HNRNPR: variants seen among roughly 807,000 people sequenced by gnomAD.
HNRNPR encodes heterogeneous nuclear ribonucleoprotein R.
Under a neutral mutation model 70.3 loss-of-function variants are expected in HNRNPR, and 4 were observed. The ratio of observed to expected loss-of-function variants is 0.06; its 90% confidence interval spans 0.03 to 0.13. The LOEUF (loss-of-function observed/expected upper bound fraction) is 0.13, where lower values mean the gene tolerates loss of function less well. Ranked by LOEUF, HNRNPR falls within the 10% of genes least tolerant of loss-of-function variation. The pLI is 1.00. For missense variants in HNRNPR, 423 were observed against 788.5 expected (o/e 0.54, Z 5.55); for synonymous variants, 241 against 267.6 (o/e 0.90, Z 0.97).
chr1:23,336,256 A>T (rs1646479080), intron 4 of HNRNPR, among the ~76,000 whole-genome samples: 1 of 149,706 alleles, frequency 6.7e-6, no homozygotes, highest in African/African-American at 2.5e-5. Context: ...TGAAACCCCG[A>T]CTCTACCAAA....
In HNRNPR at chr1:23,343,071, T is replaced by C. The variant is rs543255275; in HGVS notation, c.-10+1140A>G. Among the ~76,000 whole-genome samples, 13 of 152,260 alleles carry C rather than the reference T, an allele frequency of 8.5e-5. No homozygotes were observed. In the South Asian group the frequency reaches 2.1e-3, roughly 24 times the overall value. On this transcript the variant is annotated intron_variant, in intron 1 of 10. Coordinates refer to ENST00000302271, the MANE Select transcript of HNRNPR (RefSeq NM_005826.5). ...CATTTTGAAAAGACTTTTTATGTCA[T>C]ATGAGACCATTTGAAACTCATTCAA...
intron 1 of HNRNPR, among the ~76,000 whole-genome samples, 194 bp downstream of exon 1, chr1:23,344,017 G>T (rs1327730391): frequency 6.6e-6 from 1 of 152,122 alleles, no homozygotes; most frequent in African/African-American, 2.4e-5. Context: ...GAAGAGCGAG[G>T]GCGAGAAGCG....
At chr1:23,334,234 C>CTTTTTTTTT (rs35129252) in intron 4 of HNRNPR, among the ~76,000 whole-genome samples, 1 of 105,204 alleles carries the variant, frequency 9.5e-6, no homozygotes, top group Non-Finnish European at 1.8e-5. Flanking sequence ...TTCTAGTGTA[C>CTTTTTTTTT]TTTTTTTTTT....
At position 23,323,820 on chromosome 1, in the gene HNRNPR, G is replaced by A. The variant is rs1645851627; in HGVS notation, c.499-88C>T. 7.0e-6 allele frequency: 7 copies of A among 997,564 alleles called. No individual in the cohort carries two copies. In the Middle Eastern group the frequency reaches 1.3e-3, roughly 183 times the overall value. The allele number at this position is 997,564 out of a possible 1,614,324, so 61.8% of individuals were successfully genotyped here. On this transcript the variant is annotated intron_variant, in intron 5 of 10. Coordinates refer to ENST00000302271, the MANE Select transcript of HNRNPR (RefSeq NM_005826.5). ...ACTGCCTTTTTTTTTTAAAGATGGGGGCAGAAGAAGATGGTTAAGAAAGAA... is the reference window on the plus strand; with the variant it reads ...ACTGCCTTTTTTTTTTAAAGATGGGAGCAGAAGAAGATGGTTAAGAAAGAA...
At chr1:23,314,421 C>A (rs755814920) in intron 8 of HNRNPR, among the ~76,000 whole-genome samples, 17 of 151,984 alleles carry the variant, frequency 1.1e-4, no homozygotes, top group Non-Finnish European at 1.9e-4. Context: ...TAAGCAAAGA[C>A]AATAAATATG....
chr1:23,321,392 A>T, intron 7 of HNRNPR, 136 bp downstream of exon 7: 1 of 659,022 alleles, frequency 1.5e-6, no homozygotes, highest in Non-Finnish European at 2.5e-6. Context: ...ACCACTATAA[A>T]GCAGAAAGGA....
intron 5 of HNRNPR, among the ~76,000 whole-genome samples, chr1:23,330,847 A>C (rs1319274415): frequency 6.6e-6 from 1 of 152,196 alleles, no homozygotes; most frequent in Non-Finnish European, 1.5e-5. Context: ...TCCTCAATCA[A>C]GACCTAAAAA....
At chr1:23,335,412 C>T (rs1333754416) in intron 4 of HNRNPR, among the ~76,000 whole-genome samples, 1 of 152,210 alleles carries the variant, frequency 6.6e-6, no homozygotes, top group Non-Finnish European at 1.5e-5. Flanking sequence ...TGGTCCATGG[C>T]CTGTTAGGAA....
intron 7 of HNRNPR, among the ~76,000 whole-genome samples, chr1:23,320,098 G>A (rs1645697832): frequency 6.6e-6 from 1 of 152,146 alleles, no homozygotes; most frequent in Non-Finnish European, 1.5e-5. Context: ...TATGAAAGCA[G>A]AGAATATGTC....
intron 6 of HNRNPR, 106 bp from the exon 7 acceptor site, chr1:23,321,769 T>C: frequency 9.4e-7 from 1 of 1,060,358 alleles, no homozygotes; most frequent in South Asian, 1.9e-5. Context: ...CCCTGCTTCA[T>C]CAACTCACCA....
chr1:23,325,139 CA>C (rs570840598), intron 5 of HNRNPR, among the ~76,000 whole-genome samples: 2 of 139,014 alleles, frequency 1.4e-5, no homozygotes, highest in African/African-American at 5.3e-5. Context: ...GACTCCATCT[CA>C]AAAAAAAAAC....
chr1:23,320,293 C>T (rs140880584), intron 7 of HNRNPR, among the ~76,000 whole-genome samples: 18 of 152,230 alleles, frequency 1.2e-4, no homozygotes, highest in Admixed American at 9.8e-4. Context: ...CACAATATAG[C>T]GGGTGGTAGC....
intron 4 of HNRNPR, among the ~76,000 whole-genome samples, chr1:23,336,078 C>G (rs1646466201): frequency 7.4e-6 from 1 of 135,880 alleles, no homozygotes; most frequent in Admixed American, 7.8e-5. Flanking sequence ...GATCCCGCCA[C>G]TGCACTCCAG....
In HNRNPR at chr1:23,306,705, A is replaced by G. The variant is rs1645207658; in HGVS notation, c.*3749T>C. Reference sequence around the variant, plus strand: ...AAAAACTTTTCTAGAAGGATTAACAATAATTAACTTCAAATTAAATATTAT... The same window carrying G: ...AAAAACTTTTCTAGAAGGATTAACAGTAATTAACTTCAAATTAAATATTAT... On this transcript the variant is annotated 3_prime_UTR_variant, in exon 11 of 11. Transcript: ENST00000302271. The G allele has an allele frequency of 6.6e-6, 1 of 152,216 alleles. No individual in the cohort carries two copies. The highest frequency in any genetic ancestry group is 6.5e-5 in the Admixed American group (1 of 15,292). The allele number at this position is 152,216 out of a possible 1,614,324, so 9.4% of individuals were successfully genotyped here.
At chr1:23,321,453 C>T (rs1461864705) in intron 7 of HNRNPR, 75 bp downstream of exon 7, 2 of 1,249,110 alleles carry the variant, frequency 1.6e-6, no homozygotes, top group African/African-American at 3.0e-5. Context: ...CATACAACCC[C>T]TCAGTTTTTT....
At chr1:23,333,298 ACT>A (rs1333375413) in intron 5 of HNRNPR, among the ~76,000 whole-genome samples, 1 of 152,066 alleles carries the variant, frequency 6.6e-6, no homozygotes, top group African/African-American at 2.4e-5. Flanking sequence ...TGTTCCAAAA[ACT>A]CTATATTATA....
At chr1:23,327,013 C>A (rs1646013989) in intron 5 of HNRNPR, among the ~76,000 whole-genome samples, 1 of 152,142 alleles carries the variant, frequency 6.6e-6, no homozygotes, top group Non-Finnish European at 1.5e-5. Flanking sequence ...CAACTGGCTC[C>A]TCTGATTGCC....
intron 5 of HNRNPR, among the ~76,000 whole-genome samples, chr1:23,326,380 G>A (rs1474198489): frequency 1.3e-5 from 2 of 152,152 alleles, no homozygotes; most frequent in East Asian, 3.9e-4. Flanking sequence ...AAAACATACT[G>A]AGAAAAGCAC....
At chr1:23,316,011 TC>T (rs1437219137) in intron 8 of HNRNPR, among the ~76,000 whole-genome samples, 1 of 152,068 alleles carries the variant, frequency 6.6e-6, no homozygotes, top group Non-Finnish European at 1.5e-5. Flanking sequence ...GGAAAAAGGG[TC>T]CCTTTAAGAG....
Sources: allele counts gnomAD v4.1 joint callset (sites outside exome capture counted in the v4.1 genomes callset), GRCh38; gene constraint gnomAD v4.1.1; transcripts MANE v1.5; gene names NCBI Gene and HGNC (gene_info 2026-07-23, HGNC 2026-07-21).